The following PPP3CA variants were observed in gnomAD, a reference collection of about 807,000 sequenced individuals.
The protein encoded by PPP3CA is CAM-PRP catalytic subunit.
A neutral mutation model predicts 66.5 loss-of-function variants in PPP3CA; 14 were observed. That is an observed-to-expected ratio of 0.21 (90% confidence interval 0.14 to 0.33). PPP3CA has a LOEUF of 0.33. Among genes scored for constraint, PPP3CA ranks in the 10% least tolerant of loss-of-function variants. The probability of loss-of-function intolerance (pLI) is 1.00; values close to 1 mark genes in which losing one functional copy is unlikely to be tolerated. For missense variants in PPP3CA, 317 were observed against 639.5 expected (o/e 0.50, Z 5.44); for synonymous variants, 232 against 226.2 (o/e 1.03, Z -0.23).
chr4:101,030,674 C>T (rs186364561), intron 12 of PPP3CA, among the ~76,000 whole-genome samples: 42 of 152,144 alleles, frequency 2.8e-4, no homozygotes, highest in Non-Finnish European at 4.1e-4. Context: ...ACTTAAGTAA[C>T]GTAAGTTTAA....
chr4:101,241,872 G>T (rs1335256877), intron 1 of PPP3CA, among the ~76,000 whole-genome samples: 1 of 152,032 alleles, frequency 6.6e-6, no homozygotes, highest in Admixed American at 6.6e-5. Flanking sequence ...AAATTGCTAA[G>T]TGTATCTGTA....
intron 2 of PPP3CA, among the ~76,000 whole-genome samples, chr4:101,158,861 T>C (rs1230354759): frequency 6.6e-6 from 1 of 152,258 alleles, no homozygotes; most frequent in Non-Finnish European, 1.5e-5. Flanking sequence ...AATTCATATC[T>C]CAGTAACATT....
At chr4:101,344,570 T>C (rs1420485980) in intron 1 of PPP3CA, among the ~76,000 whole-genome samples, 1 of 152,170 alleles carries the variant, frequency 6.6e-6, no homozygotes, top group African/African-American at 2.4e-5. Flanking sequence ...ACATAGTATG[T>C]GAATAAAATT....
chr4:101,271,980 A>G (rs1194667833), intron 1 of PPP3CA, among the ~76,000 whole-genome samples: 3 of 152,216 alleles, frequency 2.0e-5, no homozygotes, highest in Non-Finnish European at 4.4e-5. Context: ...ATTATACTAT[A>G]ACAAGATAAT....
intron 1 of PPP3CA, among the ~76,000 whole-genome samples, chr4:101,345,472 A>AAC (rs1190932639): frequency 1.3e-5 from 2 of 152,216 alleles, no homozygotes; most frequent in South Asian, 2.1e-4. Flanking sequence ...TTCTACACAC[A>AAC]ACACACACAC....
rs570639485 is a variant in PPP3CA, at chr4:101,032,268, G to A, written c.1338C>T (p.Ser446=). The change falls in exon 12 of 14, where the codon AGC becomes AGT. Residue 446 remains serine, a splice_region_variant and synonymous_variant. Transcript: ENST00000394854. ...VLSGGKQTLQ[S]ATVEAIEADE... Reference sequence around the variant, plus strand: ...AGTCATACCCATCAGCCTGCTTACCGCTTTGCAGGGTTTGCTTCCCTCCAG... The same window carrying A: ...AGTCATACCCATCAGCCTGCTTACCACTTTGCAGGGTTTGCTTCCCTCCAG... The A allele has an allele frequency of 1.3e-4, 201 of 1,599,706 alleles. 2 individuals are homozygous for A. In the South Asian group the frequency reaches 1.7e-3, roughly 14 times the overall value.
chr4:101,079,121 C>T (rs184498044), intron 8 of PPP3CA, among the ~76,000 whole-genome samples: 20 of 152,234 alleles, frequency 1.3e-4, no homozygotes, highest in African/African-American at 4.8e-4. Flanking sequence ...AAGTGGAATA[C>T]ATGAAAGGAA....
At chr4:101,262,472 C>G (rs1339258074) in intron 1 of PPP3CA, among the ~76,000 whole-genome samples, 4 of 152,016 alleles carry the variant, frequency 2.6e-5, no homozygotes, top group African/African-American at 9.7e-5. Flanking sequence ...TACTTAGCAA[C>G]AAGTGGATGC....
At chr4:101,235,431 TCA>T (rs57851713) in intron 1 of PPP3CA, among the ~76,000 whole-genome samples, 14 of 148,198 alleles carry the variant, frequency 9.4e-5, no homozygotes, top group South Asian at 2.1e-4. Context: ...AAACATACAC[TCA>T]CACACACACA....
chr4:101,164,365 G>C (rs1221574731), intron 2 of PPP3CA, among the ~76,000 whole-genome samples: 1 of 152,074 alleles, frequency 6.6e-6, no homozygotes, highest in Non-Finnish European at 1.5e-5. Flanking sequence ...AAGGAACTTT[G>C]TAGAAACTTT....
chr4:101,296,488 C>T (rs1728204317), intron 1 of PPP3CA, among the ~76,000 whole-genome samples: 1 of 152,104 alleles, frequency 6.6e-6, no homozygotes, highest in Admixed American at 6.5e-5. Context: ...TTTTATTCTA[C>T]TACACTCCAT....
intron 2 of PPP3CA, among the ~76,000 whole-genome samples, chr4:101,164,197 A>G (rs1393193370): frequency 6.6e-6 from 1 of 151,722 alleles, no homozygotes; most frequent in Non-Finnish European, 1.5e-5. Flanking sequence ...TGACCACTCT[A>G]CTTAACAATT....
chr4:101,031,830 C>A (rs1012045722), intron 12 of PPP3CA, among the ~76,000 whole-genome samples: 1 of 152,160 alleles, frequency 6.6e-6, no homozygotes, highest in African/African-American at 2.4e-5. Context: ...ATGAAATCAT[C>A]TCCTGAAAAT....
intron 11 of PPP3CA, among the ~76,000 whole-genome samples, chr4:101,036,165 C>T (rs28654209): frequency 0.065 from 9,924 of 152,218 alleles, 361 homozygotes; most frequent in African/African-American, 0.098. Flanking sequence ...ATTTTGGAGA[C>T]TTGTGTTAAA....
intron 8 of PPP3CA, among the ~76,000 whole-genome samples, chr4:101,068,616 C>T (rs1443820993): frequency 2.0e-5 from 3 of 151,850 alleles, no homozygotes; most frequent in African/African-American, 7.3e-5. Context: ...CATACTTTTC[C>T]GTAGTATATA....
chr4:101,317,679 G>T (rs1448723092), intron 1 of PPP3CA, among the ~76,000 whole-genome samples: 2 of 152,128 alleles, frequency 1.3e-5, no homozygotes, highest in Non-Finnish European at 2.9e-5. Context: ...CAAAATCAGA[G>T]AACACTATTT....
intron 1 of PPP3CA, among the ~76,000 whole-genome samples, chr4:101,271,211 G>A (rs1727327778): frequency 6.6e-6 from 1 of 152,098 alleles, no homozygotes; most frequent in Non-Finnish European, 1.5e-5. Context: ...TAAAAAAGCA[G>A]CTTTCAGTCG....
intron 7 of PPP3CA, 41 bp downstream of exon 7, chr4:101,083,145 T>C: frequency 2.2e-6 from 3 of 1,356,278 alleles, no homozygotes; most frequent in African/African-American, 1.5e-5. Flanking sequence ...TTCTGGAAAA[T>C]GGACAATGCA....
chr4:101,193,492 A>C (rs1724683890), intron 2 of PPP3CA, among the ~76,000 whole-genome samples: 1 of 152,042 alleles, frequency 6.6e-6, no homozygotes. Context: ...AAAAAAACAG[A>C]ACTGGCCTCA....
Sources: gnomAD v4.1 joint callset for allele counts (sites outside exome capture counted in the v4.1 genomes callset) on GRCh38, gnomAD v4.1.1 for gene constraint, MANE v1.5 for transcripts, NCBI Gene and HGNC (gene_info 2026-07-23, HGNC 2026-07-21) for gene names.